The following LRP1B variants were observed in gnomAD, a reference collection of about 807,000 sequenced individuals.
The protein encoded by LRP1B is low-density lipoprotein receptor-related protein 1B.
LRP1B carries 217 observed loss-of-function variants against 556.6 expected under a neutral mutation model. That is an observed-to-expected ratio of 0.39 (90% CI 0.35 to 0.44). LRP1B has a LOEUF of 0.44. LRP1B is among the 20% of genes least tolerant of loss of function. The pLI is 1.00. For missense variants in LRP1B, 5,053 were observed against 5,620.8 expected (o/e 0.90, Z 3.23); for synonymous variants, 2,047 against 1,865.8 (o/e 1.10, Z -2.50).
At chr2:140,265,814 C>T (rs1185590561) in intron 86 of LRP1B, among the ~76,000 whole-genome samples, 1 of 151,928 alleles carries the variant, frequency 6.6e-6, no homozygotes, top group Non-Finnish European at 1.5e-5. Context: ...GAGAATTGAC[C>T]ACTAGAAAGA....
chr2:141,986,963 G>T (rs1273044197), intron 1 of LRP1B, among the ~76,000 whole-genome samples: 1 of 151,838 alleles, frequency 6.6e-6, no homozygotes, highest in Non-Finnish European at 1.5e-5. Flanking sequence ...CTATGACCTT[G>T]GTAAGTATTT....
chr2:141,248,773 C>T (rs1342975940), intron 4 of LRP1B, among the ~76,000 whole-genome samples: 1 of 152,090 alleles, frequency 6.6e-6, no homozygotes, highest in Non-Finnish European at 1.5e-5. Context: ...AAACTAAAAA[C>T]ACTCATATGA....
In LRP1B at chr2:140,759,142, G is replaced by A. The variant is rs80300696; in HGVS notation, c.5758+10071C>T. Among the ~76,000 whole-genome samples, 3,056 of 151,988 alleles carry A rather than the reference G, an allele frequency of 0.02. 198 individuals are homozygous for A. In the East Asian group the frequency reaches 0.23, roughly 11 times the overall value. On this transcript the variant is annotated intron_variant, in intron 35 of 90. Coordinates refer to ENST00000389484, the MANE Select transcript of LRP1B (RefSeq NM_018557.3). Reference sequence around the variant, plus strand: ...TCTAATTCTGATTCTTTTCACATAGGTTTTAATGACTGTTGACTGAGAAAA... The same window carrying A: ...TCTAATTCTGATTCTTTTCACATAGATTTTAATGACTGTTGACTGAGAAAA...
intron 1 of LRP1B, among the ~76,000 whole-genome samples, chr2:142,038,001 T>C (rs1703945035): frequency 6.6e-6 from 1 of 151,590 alleles, no homozygotes; most frequent in African/African-American, 2.4e-5. Flanking sequence ...GGAGTGCTCT[T>C]ATGTTTAAGG....
intron 32 of LRP1B, among the ~76,000 whole-genome samples, chr2:140,777,345 A>G (rs1689534539): frequency 6.6e-6 from 1 of 152,216 alleles, no homozygotes; most frequent in South Asian, 2.1e-4. Context: ...TTTCTAAGAT[A>G]CTCAGTGAAG....
At chr2:140,333,183 A>G (rs1233009404) in intron 79 of LRP1B, among the ~76,000 whole-genome samples, 1 of 151,932 alleles carries the variant, frequency 6.6e-6, no homozygotes, top group Non-Finnish European at 1.5e-5. Context: ...CCTCATATTC[A>G]CTTCACTTGC....
chr2:140,455,214 A>C (rs16843975), intron 62 of LRP1B, among the ~76,000 whole-genome samples: 20,586 of 152,126 alleles, frequency 0.14, 1,597 homozygotes, highest in African/African-American at 0.19. Context: ...TATTTTTATT[A>C]CACAAATACT....
chr2:141,267,472 G>C (rs1451799286), intron 3 of LRP1B, among the ~76,000 whole-genome samples: 1 of 152,168 alleles, frequency 6.6e-6, no homozygotes, highest in African/African-American at 2.4e-5. Context: ...AAAGGTGAGA[G>C]TACAAGGTGC....
At chr2:141,673,888 T>A (rs1479103102) in intron 2 of LRP1B, among the ~76,000 whole-genome samples, 4 of 151,988 alleles carry the variant, frequency 2.6e-5, no homozygotes, top group African/African-American at 9.7e-5. Context: ...TTATGGGGTA[T>A]ATGGGACGAC....
intron 41 of LRP1B, among the ~76,000 whole-genome samples, chr2:140,606,158 T>C (rs907523824): frequency 2.0e-5 from 3 of 151,998 alleles, no homozygotes; most frequent in African/African-American, 7.2e-5. Context: ...AATAGAAATG[T>C]ATACTCAGGA....
At chr2:140,409,534 A>C (rs976470787) in intron 66 of LRP1B, among the ~76,000 whole-genome samples, 3 of 152,036 alleles carry the variant, frequency 2.0e-5, no homozygotes, top group Admixed American at 2.0e-4. Flanking sequence ...TCATCTAAAG[A>C]GATTCATAAT....
chr2:140,541,316 G>A (rs1304520728), intron 44 of LRP1B, among the ~76,000 whole-genome samples: 6 of 151,794 alleles, frequency 4.0e-5, no homozygotes, highest in African/African-American at 9.7e-5. Flanking sequence ...TTGATACCAC[G>A]GCATCAAATG....
chr2:141,995,506 G>A (rs915578759), intron 1 of LRP1B, among the ~76,000 whole-genome samples: 5 of 152,050 alleles, frequency 3.3e-5, no homozygotes, highest in Non-Finnish European at 4.4e-5. Context: ...CAGCTGATTG[G>A]CACACTAATT....
intron 2 of LRP1B, among the ~76,000 whole-genome samples, chr2:141,507,835 C>T (rs1012519760): frequency 1.3e-5 from 2 of 151,954 alleles, no homozygotes; most frequent in African/African-American, 4.8e-5. Flanking sequence ...TCTGTCATCC[C>T]AGCGCTTTGG....
chr2:140,973,163 A>G (rs1186884993), intron 18 of LRP1B, among the ~76,000 whole-genome samples: 5 of 150,898 alleles, frequency 3.3e-5, no homozygotes, highest in South Asian at 4.2e-4. Flanking sequence ...TACACTCAAT[A>G]TAATAGCAAA....
At chr2:141,659,507 A>G (rs1690132881) in intron 2 of LRP1B, among the ~76,000 whole-genome samples, 1 of 152,114 alleles carries the variant, frequency 6.6e-6, no homozygotes, top group Non-Finnish European at 1.5e-5. Context: ...AAAAGGAAAC[A>G]ATCAACAATG....
intron 4 of LRP1B, 123 bp from the exon 5 acceptor site, chr2:141,247,477 A>C: frequency 8.9e-7 from 1 of 1,121,072 alleles, no homozygotes; most frequent in Non-Finnish European, 1.3e-6. Flanking sequence ...AATTCCAATA[A>C]GTCTTTTCAA....
At chr2:140,862,986 T>G (rs896675215) in intron 27 of LRP1B, among the ~76,000 whole-genome samples, 3 of 152,182 alleles carry the variant, frequency 2.0e-5, no homozygotes, top group Non-Finnish European at 4.4e-5. Context: ...ACTTATGCCA[T>G]TATCCACCTA....
chr2:141,955,700 C>G (rs73964853), intron 1 of LRP1B, among the ~76,000 whole-genome samples: 12,898 of 151,990 alleles, frequency 0.085, 1,812 homozygotes, highest in African/African-American at 0.29. Context: ...CAGCTCACAT[C>G]GCTGTTTTCC....
Sources: gnomAD v4.1 joint callset for allele counts (sites outside exome capture counted in the v4.1 genomes callset) on GRCh38, gnomAD v4.1.1 for gene constraint, MANE v1.5 for transcripts, NCBI Gene and HGNC (gene_info 2026-07-23, HGNC 2026-07-21) for gene names.